The following ADAMTS20 variants were observed in gnomAD, a reference collection of about 807,000 sequenced individuals.
ADAMTS20 encodes A disintegrin and metalloproteinase with thrombospondin motifs 20.
In ADAMTS20, 225 loss-of-function variants were observed where a neutral mutation model predicts 260.1. The ratio of observed to expected loss-of-function variants is 0.87; its 90% CI spans 0.78 to 0.97. The LOEUF (loss-of-function observed/expected upper bound fraction) is 0.97. Ranked by LOEUF, ADAMTS20 falls within the 50% of genes least tolerant of loss-of-function variation. The probability of loss-of-function intolerance (pLI) is 0.00; values close to 1 mark genes in which losing one functional copy is unlikely to be tolerated. For missense variants in ADAMTS20, 2,400 were observed against 2,337.7 expected (o/e 1.03, Z -0.55); for synonymous variants, 802 against 769.5 (o/e 1.04, Z -0.70).
chr12:43,463,961 A>G (rs1184502508), intron 10 of ADAMTS20, among the ~76,000 whole-genome samples: 1 of 152,186 alleles, frequency 6.6e-6, no homozygotes. Context: ...GGAAAAGTAA[A>G]GCATGGATTC....
In ADAMTS20 at chr12:43,530,356, T is replaced by C. The variant is rs181777802; in HGVS notation, c.613+1680A>G. Among the ~76,000 whole-genome samples, 106 of 152,328 alleles carry C rather than the reference T, an allele frequency of 7.0e-4. 1 individual carries two copies. The highest frequency in any genetic ancestry group is 6.2e-4 in the South Asian group (3 of 4,828). On this transcript the variant is annotated intron_variant, in intron 3 of 38. Transcript: ENST00000389420. ...ATCAGAACAAGCATAAGCTGCCTTC[T>C]GTAGAATTCTATTGTGGAACTGTAC...
In ADAMTS20 at chr12:43,375,378, C is replaced by T; in HGVS notation, c.5446+1G>A. The stretch of plus-strand genomic sequence containing the variant: ...TTTTAAAATATAGATTGAGCACTTA[C>T]TTTTAATTTGCATGGAAGTGAGATC... On this transcript the variant is annotated splice_donor_variant, in intron 36 of 38. Transcript: ENST00000389420. LOFTEE classifies it high-confidence loss of function. 1.2e-6 allele frequency: 2 copies of T among 1,610,962 alleles called. No homozygotes were observed. The highest frequency in any genetic ancestry group is 2.7e-5 in the African/African-American group (2 of 74,676).
chr12:43,375,574 C>T (rs1940208769), intron 35 of ADAMTS20, 62 bp from the exon 36 acceptor site: 11 of 1,559,362 alleles, frequency 7.1e-6, no homozygotes, highest in Admixed American at 5.5e-5. Flanking sequence ...TGTAGACAAA[C>T]TTTGGGAGTA....
intron 14 of ADAMTS20, among the ~76,000 whole-genome samples, chr12:43,447,727 T>C (rs1483359689): frequency 6.6e-6 from 1 of 152,182 alleles, no homozygotes; most frequent in Non-Finnish European, 1.5e-5. Context: ...GACATGATTA[T>C]ATATCTAGAA....
intron 2 of ADAMTS20, among the ~76,000 whole-genome samples, chr12:43,535,673 C>T (rs571327308): frequency 6.6e-6 from 1 of 152,028 alleles, no homozygotes; most frequent in African/African-American, 2.4e-5. Flanking sequence ...ATTTAAGGTG[C>T]TAATAAAAGA....
At chr12:43,404,434 AG>A (rs1157408098) in intron 28 of ADAMTS20, among the ~76,000 whole-genome samples, 1 of 152,212 alleles carries the variant, frequency 6.6e-6, no homozygotes, top group Non-Finnish European at 1.5e-5. Context: ...TATTTTACAT[AG>A]TAATGATCAT....
rs149556275 is a variant in ADAMTS20 at position 43,363,192 on chromosome 12, A to G, written c.5538+6098T>C. The stretch of plus-strand genomic sequence containing the variant: ...ATTCTAATCATGGTGAATGCAGTTA[A>G]GGATACAGGACTCCATTTCCCCCTA... On this transcript the variant is annotated intron_variant, in intron 37 of 38. Coordinates refer to ENST00000389420, the MANE Select transcript of ADAMTS20 (RefSeq NM_025003.5). Among the ~76,000 whole-genome samples, 46 of 152,182 alleles carry G rather than the reference A, an allele frequency of 3.0e-4. No homozygotes were observed. The East Asian group carries it at 7.5e-3, about 25-fold the overall frequency.
chr12:43,427,256 C>A, intron 27 of ADAMTS20, 52 bp downstream of exon 27: 1 of 1,564,670 alleles, frequency 6.4e-7, no homozygotes, highest in South Asian at 1.2e-5. Flanking sequence ...TTTTTACTTT[C>A]AGTCTTCAGA....
At chr12:43,520,207 T>G (rs1256631922) in intron 3 of ADAMTS20, among the ~76,000 whole-genome samples, 1 of 152,156 alleles carries the variant, frequency 6.6e-6, no homozygotes, top group African/African-American at 2.4e-5. Context: ...ATATCACTGG[T>G]ACATCCAAGA....
Position 43,376,107 on chromosome 12 carries a change from A to G in ADAMTS20, c.5262T>C (p.Tyr1754=), listed in dbSNP as rs1266086026. Residue 1754 remains tyrosine (Y), a synonymous_variant, in exon 35 of 39, where the codon TAT becomes TAC. Transcript: ENST00000389420. The stretch of plus-strand genomic sequence containing the variant: ...TTTCTTCACCTTGGACCAGTGTTAA[A>G]TATTCCTTAGGGTTCTCCAAGTACA... ...ADMYLENPKE[Y]LTLVQGEENF... 4 of 1,610,924 alleles carry G rather than the reference A, an allele frequency of 2.5e-6. No homozygotes were observed. The highest frequency in any genetic ancestry group is 3.4e-6 in the Non-Finnish European group (4 of 1,178,630).
At chr12:43,413,055 C>T (rs373733522) in intron 28 of ADAMTS20, among the ~76,000 whole-genome samples, 1 of 151,946 alleles carries the variant, frequency 6.6e-6, no homozygotes, top group Non-Finnish European at 1.5e-5. Flanking sequence ...GTGATCTGCC[C>T]GCCTTGGCCT....
intron 3 of ADAMTS20, among the ~76,000 whole-genome samples, chr12:43,510,117 T>G (rs1942902098): frequency 6.6e-6 from 1 of 152,108 alleles, no homozygotes; most frequent in Non-Finnish European, 1.5e-5. Flanking sequence ...CTATAAATTT[T>G]GATATGGAAG....
chr12:43,490,279 A>T, intron 7 of ADAMTS20, 116 bp downstream of exon 7: 1 of 554,944 alleles, frequency 1.8e-6, no homozygotes, highest in Non-Finnish European at 3.1e-6. Context: ...ATAATTTATC[A>T]AGATAATTAA....
At chr12:43,528,529 C>A (rs1367253061) in intron 3 of ADAMTS20, among the ~76,000 whole-genome samples, 2 of 151,926 alleles carry the variant, frequency 1.3e-5, no homozygotes, top group Non-Finnish European at 2.9e-5. Context: ...ACTAACTGAT[C>A]TTTGACAAAG....
chr12:43,517,794 A>G (rs1038439708), intron 3 of ADAMTS20, among the ~76,000 whole-genome samples: 1 of 152,130 alleles, frequency 6.6e-6, no homozygotes, highest in Non-Finnish European at 1.5e-5. Flanking sequence ...GAGCTATAAT[A>G]TCTCTAAAAC....
At chr12:43,469,282 T>C (rs1411258475) in intron 7 of ADAMTS20, among the ~76,000 whole-genome samples, 1 of 152,136 alleles carries the variant, frequency 6.6e-6, no homozygotes, top group Non-Finnish European at 1.5e-5. Flanking sequence ...CACTGAATAA[T>C]TTTGTAACAT....
At chr12:43,354,378 T>G (rs1939700564) in intron 38 of ADAMTS20, 80 bp from the exon 39 acceptor site, 1 of 990,014 alleles carries the variant, frequency 1.0e-6, no homozygotes, top group Non-Finnish European at 1.5e-6. Flanking sequence ...AGCAAATGCT[T>G]TGAATCATAT....
chr12:43,413,761 C>T (rs926303939), intron 28 of ADAMTS20, among the ~76,000 whole-genome samples: 1 of 152,098 alleles, frequency 6.6e-6, no homozygotes, highest in African/African-American at 2.4e-5. Flanking sequence ...AAACATCAAA[C>T]TGATATTTAA....
chr12:43,478,265 T>A (rs1565565940), intron 7 of ADAMTS20, among the ~76,000 whole-genome samples: 1 of 151,878 alleles, frequency 6.6e-6, no homozygotes, highest in African/African-American at 2.4e-5. Flanking sequence ...ATGTAAAATG[T>A]GAAGGATGGG....
Sources: gnomAD v4.1 joint callset for allele counts (sites outside exome capture counted in the v4.1 genomes callset) on GRCh38, gnomAD v4.1.1 for gene constraint, MANE v1.5 for transcripts, NCBI Gene and HGNC (gene_info 2026-07-23, HGNC 2026-07-21) for gene names.